The following HRH1 variants were observed in gnomAD, a reference collection of about 807,000 sequenced individuals.
The protein encoded by HRH1 is histamine H1 receptor.
In HRH1, 6 loss-of-function variants were observed where a neutral mutation model predicts 10.3. That is an observed-to-expected ratio of 0.58 (90% CI 0.32 to 1.15). HRH1 has a LOEUF of 1.15. Ranked by LOEUF, HRH1 falls within the 50% of genes most tolerant of loss-of-function variation. The probability of loss-of-function intolerance (pLI) is 0.05; values close to 1 mark genes in which losing one functional copy is unlikely to be tolerated. For missense variants in HRH1, 514 were observed against 615.3 expected (o/e 0.84, Z 1.74); for synonymous variants, 242 against 236.7 (o/e 1.02, Z -0.21).
In HRH1 at chr3:11,138,021, C is replaced by G. The variant is rs142635204; in HGVS notation, c.-36+622C>G. ...TGTACTATCCAGAATACACAAGGAA[C>G]TCTTTTTTTTTTGAGACGGAGTCTC... On this transcript the variant is annotated intron_variant, in intron 1 of 1. Transcript: ENST00000438284. Among the ~76,000 whole-genome samples the G allele has an allele frequency of 9.9e-5, 15 of 151,960 alleles. No homozygotes were observed. In the East Asian group the frequency reaches 2.9e-3, roughly 29 times the overall value.
intron 1 of HRH1, among the ~76,000 whole-genome samples, chr3:11,164,476 G>A (rs1005186033): frequency 3.9e-5 from 6 of 152,140 alleles, no homozygotes; most frequent in South Asian, 2.1e-4. Flanking sequence ...TGTTTCTACC[G>A]CCAGCCTGGA....
rs568898579 is a variant in HRH1 at position 11,245,486 on chromosome 3, C to T, written c.-35-13517C>T. On this transcript the variant is annotated intron_variant, in intron 1 of 1. Transcript: ENST00000431010. ...CTTGAGCTGACCATTTCCTCCTCTC[C>T]GCCCAGATATGCCTCTTGGGCTTGC... 1.4e-4 allele frequency among the ~76,000 whole-genome samples: 22 copies of T among 152,350 alleles called. No individual in the cohort carries two copies. In the East Asian group the frequency reaches 2.5e-3, roughly 17 times the overall value.
intron 1 of HRH1, among the ~76,000 whole-genome samples, chr3:11,224,360 A>G (rs1486948575): frequency 6.6e-6 from 1 of 152,206 alleles, no homozygotes; most frequent in East Asian, 1.9e-4. Context: ...AGGAAGCATT[A>G]GAATAGGGCC....
intron 1 of HRH1, among the ~76,000 whole-genome samples, chr3:11,181,627 CTTTTT>C (rs35710248): frequency 8.8e-6 from 1 of 113,174 alleles, no homozygotes; most frequent in African/African-American, 3.9e-5. Flanking sequence ...ATCCCTTGCT[CTTTTT>C]TTTTTTTTTT....
chr3:11,203,457 C>T (rs145190300), intron 1 of HRH1, among the ~76,000 whole-genome samples: 276 of 152,290 alleles, frequency 1.8e-3, no homozygotes, highest in African/African-American at 6.2e-3. Flanking sequence ...AGGTTTTCTC[C>T]TGTGTTATCT....
chr3:11,218,133 G>T (rs149837269), intron 1 of HRH1, among the ~76,000 whole-genome samples: 132 of 152,334 alleles, frequency 8.7e-4, no homozygotes, highest in African/African-American at 3.0e-3. Context: ...TAGTATCTAG[G>T]TATGTACATT....
chr3:11,180,007 C>T (rs1231714415), intron 1 of HRH1, among the ~76,000 whole-genome samples: 6 of 152,136 alleles, frequency 3.9e-5, no homozygotes, highest in Non-Finnish European at 8.8e-5. Flanking sequence ...AAGCAATCCT[C>T]CTGCCTTGGC....
intron 1 of HRH1, among the ~76,000 whole-genome samples, chr3:11,241,551 A>G (rs1394772688): frequency 6.6e-6 from 1 of 152,038 alleles, no homozygotes; most frequent in Non-Finnish European, 1.5e-5. Flanking sequence ...TGCACCACTC[A>G]GGCTGGGCAC....
chr3:11,232,534 A>T (rs191095662), intron 1 of HRH1, among the ~76,000 whole-genome samples: 1 of 152,250 alleles, frequency 6.6e-6, no homozygotes, highest in African/African-American at 2.4e-5. Context: ...TGTAGCTATT[A>T]ATATATAGTA....
intron 1 of HRH1, among the ~76,000 whole-genome samples, chr3:11,162,265 G>A (rs921127646): frequency 6.6e-6 from 1 of 152,190 alleles, no homozygotes; most frequent in Non-Finnish European, 1.5e-5. Context: ...TTGAGGAGCT[G>A]GGGAGAGCCC....
chr3:11,248,925 G>A (rs183575820), intron 1 of HRH1, among the ~76,000 whole-genome samples: 31 of 152,316 alleles, frequency 2.0e-4, no homozygotes, highest in Admixed American at 6.5e-4. Flanking sequence ...CCTACCTGTC[G>A]CACAAGCCTA....
chr3:11,204,252 G>A (rs890557455), intron 1 of HRH1, among the ~76,000 whole-genome samples: 1 of 152,140 alleles, frequency 6.6e-6, no homozygotes, highest in African/African-American at 2.4e-5. Context: ...CACAATAGAA[G>A]TGTTCTCTGC....
chr3:11,260,088 A>C lies in HRH1; in HGVS notation c.1051A>C (p.Met351Leu). 6.2e-7 allele frequency: 1 copy of C among 1,614,120 alleles called. No homozygotes were observed. Among genetic ancestry groups the C allele is most frequent in the Non-Finnish European group, 8.5e-7 (1 of 1,180,020 alleles). The change falls in exon 2 of 2, where the codon ATG becomes CTG. Residue 351 changes from methionine (M) to leucine (L), a missense_variant. Met to Leu is a conservative substitution (Grantham distance 15, BLOSUM62 2). Transcript: ENST00000431010. The stretch of plus-strand genomic sequence containing the variant: ...GGCCAGCGAGATATCAGAGGATCAG[A>C]TGTTAGGTGATAGCCAATCCTTCTC... ...HGASEISEDQ[M>L]LGDSQSFSRT...
At chr3:11,141,772 G>T (rs1416222215) in intron 1 of HRH1, among the ~76,000 whole-genome samples, 1 of 152,126 alleles carries the variant, frequency 6.6e-6, no homozygotes, top group Non-Finnish European at 1.5e-5. Flanking sequence ...AATTCAGTGT[G>T]GGTTACCCAA....
intron 1 of HRH1, among the ~76,000 whole-genome samples, chr3:11,213,118 C>G (rs1938381554): frequency 6.6e-6 from 1 of 152,326 alleles, no homozygotes; most frequent in Admixed American, 6.5e-5. Context: ...TTATCACCAC[C>G]TGACACAGTA....
chr3:11,215,477 A>G (rs962768127), intron 1 of HRH1, among the ~76,000 whole-genome samples: 3 of 152,082 alleles, frequency 2.0e-5, no homozygotes, highest in East Asian at 1.9e-4. Flanking sequence ...GTCTCGCTCT[A>G]TCGCCCAGGC....
At chr3:11,237,568 C>T (rs942076462) in intron 1 of HRH1, among the ~76,000 whole-genome samples, 7 of 150,658 alleles carry the variant, frequency 4.6e-5, no homozygotes, top group Non-Finnish European at 8.8e-5. Context: ...GCACGGTAAA[C>T]GATTAAGGAT....
At chr3:11,184,986 C>T (rs1937427173) in intron 1 of HRH1, among the ~76,000 whole-genome samples, 1 of 150,312 alleles carries the variant, frequency 6.7e-6, no homozygotes, top group Non-Finnish European at 1.5e-5. Context: ...TAGCCATCGG[C>T]TTTGTTTTTC....
At position 11,262,509 on chromosome 3, in the gene HRH1, G is replaced by A. The variant is rs202236959; in HGVS notation, c.*2008G>A. ...CCAAACTTCTTGTTCAAAACGGGGG[G>A]AGTTTAGGAGACTTTAATCCCGGTT... is the stretch of plus-strand genomic sequence containing the variant. On this transcript the variant is annotated 3_prime_UTR_variant, in exon 2 of 2. Transcript: ENST00000431010. 6.0e-6 allele frequency: 1 copy of A among 167,072 alleles called. No individual in the cohort carries two copies. The highest frequency in any genetic ancestry group is 1.5e-5 in the Non-Finnish European group (1 of 68,120). 10.3% of individuals were successfully genotyped at this position (167,072 alleles called of 1,614,324 possible). A position where few individuals can be genotyped will look rare whatever the true frequency, so the allele number is the denominator to read the frequency against.
Sources: gnomAD v4.1 joint callset for allele counts (sites outside exome capture counted in the v4.1 genomes callset) on GRCh38, gnomAD v4.1.1 for gene constraint, MANE v1.5 for transcripts, NCBI Gene and HGNC (gene_info 2026-07-23, HGNC 2026-07-21) for gene names.